SGK1: variants seen among roughly 807,000 people sequenced by gnomAD.
SGK1 encodes serum/glucocorticoid regulated kinase 1.
A neutral mutation model predicts 64.2 loss-of-function variants in SGK1; 26 were observed. That is an observed-to-expected ratio of 0.40 (90% CI 0.30 to 0.56). SGK1 has a LOEUF of 0.56. SGK1 is among the 20% of genes least tolerant of loss of function. The pLI, the probability that SGK1 is intolerant of heterozygous loss-of-function variation, is 0.38. For synonymous variants in SGK1, 265 were observed against 239.7 expected (o/e 1.11, Z -0.98); for missense variants, 519 against 645.6 (o/e 0.80, Z 2.12).
At chr6:134,227,943 C>CTTTTTTTTTTTTTTTT (rs869082001) in intron 2 of SGK1, among the ~76,000 whole-genome samples, 1 of 69,730 alleles carries the variant, frequency 1.4e-5, no homozygotes, top group Non-Finnish European at 2.6e-5. Flanking sequence ...GGAATTCATT[C>CTTTTTTTTTTTTTTTT]TTTTTTTTTT....
chr6:134,211,516 C>A, intron 2 of SGK1: 1 of 158,280 alleles, frequency 6.3e-6, no homozygotes. Flanking sequence ...CTGCTCCAAC[C>A]AGCATGGTTT....
chr6:134,251,396 G>C (rs189053279), intron 2 of SGK1, among the ~76,000 whole-genome samples: 4 of 152,230 alleles, frequency 2.6e-5, no homozygotes, highest in African/African-American at 9.6e-5. Flanking sequence ...TATGGTTTCT[G>C]GGAAGGATTT....
intron 1 of SGK1, among the ~76,000 whole-genome samples, chr6:134,283,354 G>T (rs1259808166): frequency 6.6e-6 from 1 of 152,024 alleles, no homozygotes; most frequent in Non-Finnish European, 1.5e-5. Context: ...AGCTGGGCGT[G>T]GTGGCACGTG....
intron 2 of SGK1, among the ~76,000 whole-genome samples, chr6:134,209,241 C>T (rs1375543267): frequency 1.3e-5 from 2 of 152,080 alleles, no homozygotes; most frequent in African/African-American, 4.8e-5. Context: ...CGAGACCAAC[C>T]TGGCCAACAT....
intron 1 of SGK1, among the ~76,000 whole-genome samples, chr6:134,303,323 C>T (rs949503214): frequency 2.0e-5 from 3 of 151,832 alleles, no homozygotes; most frequent in Middle Eastern, 3.4e-3. Context: ...ACCTGGGAGG[C>T]GGAGCTTGCA....
intron 1 of SGK1, among the ~76,000 whole-genome samples, chr6:134,306,009 G>A (rs1417512124): frequency 2.6e-5 from 4 of 152,198 alleles, no homozygotes; most frequent in African/African-American, 9.6e-5. Context: ...GTATGTAAAA[G>A]AGAAGGAAGG....
At chr6:134,297,962 C>T (rs965919125) in intron 1 of SGK1, 18 of 809,900 alleles carry the variant, frequency 2.2e-5, no homozygotes, top group Middle Eastern at 2.6e-4. Flanking sequence ...CGTCCATGTC[C>T]GGGGAGCGGC....
In SGK1 at chr6:134,197,830, G is replaced by GAATAA. The variant is rs199753470; in HGVS notation, c.361+9521_361+9525dup. On this transcript the variant is annotated intron_variant, in intron 3 of 13. Coordinates refer to ENST00000367858, the MANE Select transcript of SGK1 (RefSeq NM_001143676.3). ...CGACAAAGCAAGACTCCATCTCAAAGAATAAAATAAAATAAAATAAAATAA... is the reference window on the plus strand; with the variant it reads ...CGACAAAGCAAGACTCCATCTCAAAGAATAAAATAAAATAAAATAAAATAAAATAA... Among the ~76,000 whole-genome samples, 954 of 128,706 alleles carry GAATAA rather than the reference G, an allele frequency of 7.4e-3. 16 individuals carry two copies. The highest frequency in any genetic ancestry group is 0.026 in the African/African-American group (886 of 33,866). The allele number at this position is 128,706 out of a possible 152,430, so 84.4% of individuals were successfully genotyped here. A position where few individuals can be genotyped will look rare whatever the true frequency, so the allele number is the denominator to read the frequency against.
intron 2 of SGK1, among the ~76,000 whole-genome samples, chr6:134,236,194 G>A (rs1776362682): frequency 6.6e-6 from 1 of 152,132 alleles, no homozygotes; most frequent in Non-Finnish European, 1.5e-5. Context: ...CCAGGAACTA[G>A]AATTTAAGAG....
intron 2 of SGK1, among the ~76,000 whole-genome samples, chr6:134,224,876 C>G (rs12111217): frequency 0.033 from 5,003 of 151,060 alleles, 263 homozygotes; most frequent in African/African-American, 0.11. Context: ...AAAAAATTAG[C>G]CAGGCGTGGT....
At chr6:134,298,326 G>T in intron 1 of SGK1, 5 of 1,568,330 alleles carry the variant, frequency 3.2e-6, no homozygotes, top group South Asian at 2.2e-5. Flanking sequence ...GCTGCAGGAG[G>T]CTCCACTTGG....
chr6:134,292,148 T>C (rs1777276295), intron 1 of SGK1, among the ~76,000 whole-genome samples: 1 of 152,220 alleles, frequency 6.6e-6, no homozygotes, highest in South Asian at 2.1e-4. Context: ...GTAGAAATTG[T>C]ACACTCTTAG....
intron 2 of SGK1, among the ~76,000 whole-genome samples, chr6:134,255,837 G>A (rs1271211553): frequency 6.6e-6 from 1 of 151,720 alleles, no homozygotes; most frequent in Non-Finnish European, 1.5e-5. Flanking sequence ...TGCCCTCCTC[G>A]ACCTCCAAAA....
chr6:134,281,007 G>A (rs1376005843), intron 1 of SGK1, among the ~76,000 whole-genome samples: 2 of 152,166 alleles, frequency 1.3e-5, no homozygotes, highest in South Asian at 2.1e-4. Flanking sequence ...GGCAGAGGTT[G>A]CAGTGAGCCA....
rs1410055408 is a variant in SGK1 at position 134,272,513 on chromosome 6, C to T, written c.70-10365G>A. On this transcript the variant is annotated intron_variant, in intron 1 of 13. Transcript: ENST00000367858. ...TCTCTCTCTCTAGGCTACTGTCTCT[C>T]AGCATATTAAACACCTTGTTCTTGC... is the stretch of plus-strand genomic sequence containing the variant. 1.4e-5 allele frequency among the ~76,000 whole-genome samples: 2 copies of T among 146,578 alleles called. 1 individual carries two copies. Among genetic ancestry groups the T allele is most frequent in the African/African-American group, 4.9e-5 (2 of 40,864 alleles).
chr6:134,176,845 A>G (rs1775246702), intron 3 of SGK1, among the ~76,000 whole-genome samples: 1 of 152,186 alleles, frequency 6.6e-6, no homozygotes, highest in South Asian at 2.1e-4. Context: ...CAACAGCCCC[A>G]AACCGAGAGA....
chr6:134,278,707 C>T (rs975243527), intron 1 of SGK1, among the ~76,000 whole-genome samples: 1 of 151,916 alleles, frequency 6.6e-6, no homozygotes. Context: ...AAAAAGATAT[C>T]TATGAAGTAC....
intron 2 of SGK1, among the ~76,000 whole-genome samples, chr6:134,213,646 T>A (rs368360191): frequency 3.5e-5 from 5 of 143,732 alleles, no homozygotes; most frequent in Admixed American, 7.0e-5. Flanking sequence ...AAATAAATAA[T>A]AAATAAATAA....
chr6:134,201,921 G>C (rs559827409), intron 3 of SGK1, among the ~76,000 whole-genome samples: 1 of 152,228 alleles, frequency 6.6e-6, no homozygotes, highest in Non-Finnish European at 1.5e-5. Context: ...GAAACCACGG[G>C]AGAAACAATT....
Sources: allele counts gnomAD v4.1 joint callset (sites outside exome capture counted in the v4.1 genomes callset), GRCh38; gene constraint gnomAD v4.1.1; transcripts MANE v1.5; gene names NCBI Gene and HGNC (gene_info 2026-07-23, HGNC 2026-07-21).